MSI2: variants seen among roughly 807,000 people sequenced by gnomAD.
The protein encoded by MSI2 is RNA-binding protein Musashi homolog 2.
In MSI2, 17 loss-of-function variants were observed where a neutral mutation model predicts 45.6. That is an observed-to-expected ratio of 0.37 (90% CI 0.26 to 0.56). MSI2 has a LOEUF of 0.56. Ranked by LOEUF, MSI2 falls within the 20% of genes least tolerant of loss-of-function variation. The pLI is 0.77. For synonymous variants in MSI2, 156 were observed against 158.2 expected, an observed-to-expected ratio of 0.99 and a Z score of 0.11; for missense variants, 293 against 444.2, an observed-to-expected ratio of 0.66 and a Z score of 3.06.
At position 57,627,122 on chromosome 17, in the gene MSI2, G is replaced by A. The variant is rs1237602787; in HGVS notation, c.653-107G>A. 8 of 1,024,424 alleles carry A rather than the reference G, an allele frequency of 7.8e-6. No individual in the cohort carries two copies. The Admixed American group carries it at 1.2e-4, about 16-fold the overall frequency. 63.5% of individuals were successfully genotyped at this position (1,024,424 alleles called of 1,614,324 possible). A position where few individuals can be genotyped will look rare whatever the true frequency, so the allele number is the denominator to read the frequency against. On this transcript the variant is annotated intron_variant, in intron 9 of 13. Transcript: ENST00000284073. The surrounding 1 kb of genome is among the most constrained non-coding windows in gnomAD (Gnocchi z 4.6). ...CCTCATGAGAGACAAATTATTCTGT[G>A]AAGGAAAATAACTCAGGCTTTCCTC...
intron 5 of MSI2, among the ~76,000 whole-genome samples, chr17:57,369,543 T>C (rs1182999058): frequency 6.6e-6 from 1 of 152,230 alleles, no homozygotes; most frequent in African/African-American, 2.4e-5. Context: ...CTAGAAAGTA[T>C]TCCATGGGGC....
At chr17:57,518,856 C>T (rs955228469) in intron 6 of MSI2, among the ~76,000 whole-genome samples, 4 of 152,368 alleles carry the variant, frequency 2.6e-5, no homozygotes, top group South Asian at 2.1e-4. Context: ...CACGAGAGGC[C>T]GTTAGGCCAG....
In MSI2 at chr17:57,627,822, C is replaced by T. The variant is rs1908952362; in HGVS notation, c.727+519C>T. The T allele has an allele frequency of 1.2e-5, 2 of 160,416 alleles. No individual in the cohort carries two copies. The highest frequency in any genetic ancestry group is 2.7e-5 in the Non-Finnish European group (2 of 73,186). 9.9% of individuals were successfully genotyped at this position (160,416 alleles called of 1,614,324 possible). A position where few individuals can be genotyped will look rare whatever the true frequency, so the allele number is the denominator to read the frequency against. On this transcript the variant is annotated intron_variant, in intron 10 of 13. Transcript: ENST00000284073. This position sits in a 1 kb window ranked among gnomAD's most constrained non-coding sequence, Gnocchi z 4.6. ...GATGTTGAGCTGCTAGGGGTTGGGA[C>T]TGCTGTCCATCCTGGGTGAGCTGTT...
In MSI2 at chr17:57,627,771, G is replaced by T. The variant is rs77477170; in HGVS notation, c.727+468G>T. 1.4e-4 allele frequency: 26 copies of T among 184,010 alleles called. No individual in the cohort carries two copies. In the East Asian group the frequency reaches 3.9e-3, roughly 28 times the overall value. The allele number at this position is 184,010 out of a possible 1,614,324, so 11.4% of individuals were successfully genotyped here. A position where few individuals can be genotyped will look rare whatever the true frequency, so the allele number is the denominator to read the frequency against. The stretch of plus-strand genomic sequence containing the variant: ...CTCCTGCTCCGTCCTGACTGCTGTG[G>T]CTTCGGCGTCCTTCTGGGCTGTGTT... On this transcript the variant is annotated intron_variant, in intron 10 of 13. Transcript: ENST00000284073. The surrounding 1 kb of genome is among the most constrained non-coding windows in gnomAD (Gnocchi z 4.6).
intron 10 of MSI2, among the ~76,000 whole-genome samples, chr17:57,639,549 C>A (rs902832572): frequency 6.6e-6 from 1 of 152,244 alleles, no homozygotes; most frequent in Non-Finnish European, 1.5e-5. Flanking sequence ...TTTATGCATA[C>A]GGCTGTGCAG....
At chr17:57,688,140 C>T (rs1483722605), downstream of MSI2, among the ~76,000 whole-genome samples, 1 of 151,988 alleles carries the variant, frequency 6.6e-6, no homozygotes, top group African/African-American at 2.4e-5. Flanking sequence ...AAATAAGGAA[C>T]TTGTAGGGGT....
At chr17:57,521,794 A>G (rs1274145958) in intron 6 of MSI2, among the ~76,000 whole-genome samples, 2 of 152,092 alleles carry the variant, frequency 1.3e-5, no homozygotes, top group Non-Finnish European at 2.9e-5. Context: ...CAGAGTACTG[A>G]TTTAATAGGT....
At chr17:57,422,264 A>G (rs1029746073) in intron 6 of MSI2, among the ~76,000 whole-genome samples, 1 of 152,208 alleles carries the variant, frequency 6.6e-6, no homozygotes, top group African/African-American at 2.4e-5. Flanking sequence ...ATTCGAGACC[A>G]GCCTGGCCAA....
intron 8 of MSI2, among the ~76,000 whole-genome samples, chr17:57,598,523 G>A (rs550522203): frequency 4.6e-5 from 7 of 152,274 alleles, no homozygotes; most frequent in Non-Finnish European, 1.0e-4. Context: ...TATGTTGGAG[G>A]CATCAACTCA....
At chr17:57,462,575 T>C (rs1473144976) in intron 6 of MSI2, among the ~76,000 whole-genome samples, 1 of 152,356 alleles carries the variant, frequency 6.6e-6, no homozygotes, top group East Asian at 1.9e-4. Flanking sequence ...AAAAAGGGTA[T>C]ATCTATGTGA....
At chr17:57,560,250 G>C (rs535581632) in intron 7 of MSI2, among the ~76,000 whole-genome samples, 1 of 152,152 alleles carries the variant, frequency 6.6e-6, no homozygotes, top group African/African-American at 2.4e-5. Flanking sequence ...CAGTCTCTGC[G>C]GGGAAGTTTT....
At chr17:57,385,188 A>G (rs1174330099) in intron 5 of MSI2, among the ~76,000 whole-genome samples, 1 of 152,054 alleles carries the variant, frequency 6.6e-6, no homozygotes, top group Non-Finnish European at 1.5e-5. Flanking sequence ...CTAAAACACA[A>G]AGCTGGTCAT....
chr17:57,551,616 C>T (rs1255472619), intron 7 of MSI2, among the ~76,000 whole-genome samples: 1 of 152,092 alleles, frequency 6.6e-6, no homozygotes, highest in Admixed American at 6.5e-5. Flanking sequence ...GTTCCCACAC[C>T]CCCCTCTTCC....
intron 5 of MSI2, among the ~76,000 whole-genome samples, chr17:57,308,766 C>T (rs1417193360): frequency 2.0e-5 from 3 of 152,220 alleles, no homozygotes; most frequent in Non-Finnish European, 4.4e-5. Flanking sequence ...CAGAGACTGG[C>T]TCTTGAGAAG....
intron 5 of MSI2, among the ~76,000 whole-genome samples, chr17:57,341,239 G>A (rs759303395): frequency 3.3e-5 from 5 of 152,344 alleles, no homozygotes; most frequent in East Asian, 1.9e-4. Context: ...ACCTAGGAAC[G>A]TGTCGGAAAT....
intron 6 of MSI2, among the ~76,000 whole-genome samples, chr17:57,473,865 G>T (rs1369596017): frequency 6.6e-6 from 1 of 152,210 alleles, no homozygotes; most frequent in African/African-American, 2.4e-5. Context: ...TCACATTCCT[G>T]AGATGGTCTG....
chr17:57,289,949 G>A (rs1022990298), intron 5 of MSI2, among the ~76,000 whole-genome samples: 2 of 152,252 alleles, frequency 1.3e-5, no homozygotes, highest in Admixed American at 6.5e-5. Context: ...AGTAGAAGCG[G>A]AGCCCATGAT....
At chr17:57,551,135 C>A (rs2087293967) in intron 7 of MSI2, among the ~76,000 whole-genome samples, 2 of 152,172 alleles carry the variant, frequency 1.3e-5, no homozygotes, top group South Asian at 2.1e-4. Flanking sequence ...TGGCTTACTT[C>A]TGTGGAGCTT....
At chr17:57,443,921 T>A (rs2084848220) in intron 6 of MSI2, among the ~76,000 whole-genome samples, 1 of 152,132 alleles carries the variant, frequency 6.6e-6, no homozygotes, top group African/African-American at 2.4e-5. Flanking sequence ...CAGATGCCTC[T>A]CTCCTCCTGA....
Sources: allele counts gnomAD v4.1 joint callset (sites outside exome capture counted in the v4.1 genomes callset), GRCh38; gene constraint gnomAD v4.1.1; non-coding constraint Gnocchi (gnomAD v3.1); transcripts MANE v1.5; gene names NCBI Gene and HGNC (gene_info 2026-07-23, HGNC 2026-07-21).